Variants in NXPE2 observed in about 807,000 individuals in gnomAD.
NXPE2 encodes NXPE family member 2.
A neutral mutation model predicts 34.4 loss-of-function variants in NXPE2; 34 were observed. The ratio of observed to expected loss-of-function variants is 0.99; its 90% CI spans 0.75 to 1.31. The LOEUF (loss-of-function observed/expected upper bound fraction) is 1.31, where lower values mean the gene tolerates loss of function less well. Ranked by LOEUF, NXPE2 falls within the 40% of genes most tolerant of loss-of-function variation. The probability of loss-of-function intolerance (pLI) is 0.00; values close to 1 mark genes in which losing one functional copy is unlikely to be tolerated. For synonymous variants in NXPE2, 235 were observed against 231.3 expected (o/e 1.02, Z -0.15); for missense variants, 649 against 672.5 (o/e 0.97, Z 0.39).
the NXPE2 span, among the ~76,000 whole-genome samples, chr11:114,716,522 C>T: frequency 6.6e-6 from 1 of 152,288 alleles, no homozygotes; most frequent in Non-Finnish European, 1.5e-5. Context: ...TTTATATGTG[C>T]TTCTGGCATG....
the NXPE2 span, among the ~76,000 whole-genome samples, chr11:114,713,804 A>G: frequency 1.3e-5 from 2 of 152,364 alleles, no homozygotes; most frequent in African/African-American, 2.4e-5. Context: ...TGCTGCACAC[A>G]TAGCTGCTGC....
chr11:114,778,749 C>T, the NXPE2 span, among the ~76,000 whole-genome samples: 12 of 152,156 alleles, frequency 7.9e-5, no homozygotes, highest in South Asian at 2.1e-4. Flanking sequence ...AGCTGATGAT[C>T]CCACTCTCCC....
the NXPE2 span, among the ~76,000 whole-genome samples, chr11:114,609,046 C>G: frequency 1.2e-3 from 158 of 133,224 alleles, no homozygotes; most frequent in African/African-American, 4.4e-3. Flanking sequence ...CTGGTGGATA[C>G]TAAGTATTGC....
the NXPE2 span, among the ~76,000 whole-genome samples, chr11:114,717,297 A>G: frequency 1.3e-5 from 2 of 152,190 alleles, no homozygotes; most frequent in South Asian, 4.1e-4. Context: ...TCTGGACGTA[A>G]AAGTCCTGAT....
chr11:114,646,206 G>C, the NXPE2 span, among the ~76,000 whole-genome samples: 2 of 151,902 alleles, frequency 1.3e-5, no homozygotes, highest in African/African-American at 2.4e-5. Flanking sequence ...TCTCTGTTAA[G>C]TGTAATCACT....
the NXPE2 span, among the ~76,000 whole-genome samples, chr11:114,607,278 G>A: frequency 6.6e-6 from 1 of 151,794 alleles, no homozygotes; most frequent in African/African-American, 2.4e-5. Flanking sequence ...GGTAACCACT[G>A]TTGCCTGGTG....
chr11:114,599,614 GC>G, the NXPE2 span, among the ~76,000 whole-genome samples: 1 of 152,176 alleles, frequency 6.6e-6, no homozygotes, highest in Admixed American at 6.5e-5. Context: ...GGTAGCTTCT[GC>G]TTCTGGGAAG....
chr11:114,799,522 G>A, the NXPE2 span, among the ~76,000 whole-genome samples: 1 of 152,166 alleles, frequency 6.6e-6, no homozygotes, highest in African/African-American at 2.4e-5. Flanking sequence ...AGGGGAGAAG[G>A]AGCCAAGGAG....
At chr11:114,628,891 C>T in the NXPE2 span, among the ~76,000 whole-genome samples, 1 of 151,944 alleles carries the variant, frequency 6.6e-6, no homozygotes, top group African/African-American at 2.4e-5. Context: ...ATGCTACAAA[C>T]ACCTCTATGC....
chr11:114,616,616 C>A, the NXPE2 span, among the ~76,000 whole-genome samples: 1 of 139,956 alleles, frequency 7.1e-6, no homozygotes, highest in Non-Finnish European at 1.6e-5. Context: ...TCATGGGTAA[C>A]CACAGTTACC....
chr11:114,620,181 C>T, the NXPE2 span, among the ~76,000 whole-genome samples: 2 of 151,920 alleles, frequency 1.3e-5, no homozygotes, highest in Admixed American at 6.6e-5. Flanking sequence ...CATGGGTAAC[C>T]ACCATTACCC....
At chr11:114,648,476 T>C in the NXPE2 span, among the ~76,000 whole-genome samples, 1 of 152,218 alleles carries the variant, frequency 6.6e-6, no homozygotes, top group Admixed American at 6.5e-5. Flanking sequence ...TCACCTACAT[T>C]GGGGAGGACA....
the NXPE2 span, among the ~76,000 whole-genome samples, chr11:114,668,774 C>T: frequency 1.3e-5 from 2 of 152,028 alleles, no homozygotes; most frequent in African/African-American, 4.8e-5. Context: ...ACTATTAGGA[C>T]AGCATTTTTG....
the NXPE2 span, among the ~76,000 whole-genome samples, chr11:114,545,471 C>T: frequency 1.3e-5 from 2 of 152,168 alleles, no homozygotes; most frequent in African/African-American, 4.8e-5. Flanking sequence ...TCTGAAAAGG[C>T]TATGCACTGT....
chr11:114,627,459 A>G, the NXPE2 span, among the ~76,000 whole-genome samples: 2 of 151,084 alleles, frequency 1.3e-5, no homozygotes, highest in Non-Finnish European at 2.9e-5. Context: ...CTTTACAGAC[A>G]AGCAAATGCT....
chr11:114,539,316 G>C, the NXPE2 span, among the ~76,000 whole-genome samples: 1 of 151,814 alleles, frequency 6.6e-6, no homozygotes, highest in African/African-American at 2.4e-5. Context: ...ATAGCATTAG[G>C]AGATATACCT....
upstream of NXPE2, among the ~76,000 whole-genome samples, chr11:114,675,226 A>G (rs1188123506): frequency 2.0e-5 from 3 of 151,870 alleles, no homozygotes; most frequent in African/African-American, 7.2e-5. Flanking sequence ...GTGAAAATCT[A>G]AAGGCTTTTC....
At chr11:114,785,042 A>G in the NXPE2 span, among the ~76,000 whole-genome samples, 1 of 152,102 alleles carries the variant, frequency 6.6e-6, no homozygotes, top group Non-Finnish European at 1.5e-5. Context: ...TGCTGCAGAA[A>G]AGAAGAAAGT....
the NXPE2 span, among the ~76,000 whole-genome samples, chr11:114,499,971 G>A: frequency 6.7e-6 from 1 of 148,768 alleles, no homozygotes; most frequent in South Asian, 2.1e-4. Context: ...TTTTTTAATT[G>A]CTGAGTAGCA....
Sources: gnomAD v4.1 joint callset for allele counts (sites outside exome capture counted in the v4.1 genomes callset) on GRCh38, gnomAD v4.1.1 for gene constraint, MANE v1.5 for transcripts, NCBI Gene and HGNC (gene_info 2026-07-23, HGNC 2026-07-21) for gene names.